The following OVCH1 variants were observed in gnomAD, a reference collection of about 807,000 sequenced individuals.
OVCH1 encodes ovochymase 1, also known as ovochymase-1.
A neutral mutation model predicts 138.4 loss-of-function variants in OVCH1; 139 were observed. The observed-to-expected ratio is 1.00, with a 90% CI of 0.87 to 1.16. The LOEUF is 1.16. Among genes scored for constraint, OVCH1 ranks in the 50% most tolerant of loss-of-function variants. The pLI is 0.00. For missense variants in OVCH1, 1,367 were observed against 1,357.9 expected (o/e 1.01, Z -0.11); for synonymous variants, 453 against 467.8 (o/e 0.97, Z 0.41).
chr12:29,486,762 A>C, intron 7 of OVCH1: 1 of 335,344 alleles, frequency 3.0e-6, no homozygotes, highest in African/African-American at 2.2e-5. Flanking sequence ...ATCACTTATC[A>C]TGTTCTGGTG....
Position 29,444,172 on chromosome 12 carries a change from G to A in OVCH1, c.2990C>T (p.Pro997Leu), listed in dbSNP as rs1011956601. Residue 997 changes from proline (P) to leucine (L), a missense_variant, in exon 24 of 28, where the codon CCA (proline) becomes CTA (leucine). Physicochemically the swap from Pro to Leu is moderately conservative, Grantham distance 98. Coordinates refer to ENST00000318184, the Ensembl canonical transcript of OVCH1. ...CATAGTAGTTCTGTGAGAATTTCTT[G>A]GGATCTGCATGATCCCTTCTGGCTT... 5.6e-6 allele frequency: 9 copies of A among 1,608,200 alleles called. No homozygotes were observed. The highest frequency in any genetic ancestry group is 1.1e-5 in the South Asian group (1 of 90,208).
intron 18 of OVCH1, among the ~76,000 whole-genome samples, chr12:29,463,674 G>T (rs1373182241): frequency 1.3e-5 from 2 of 152,078 alleles, no homozygotes; most frequent in Non-Finnish European, 2.9e-5. Context: ...AAATCTTTGG[G>T]TTACAACCTC....
chr12:29,454,778 A>G, intron 21 of OVCH1, 63 bp downstream of exon 21: 1 of 1,418,396 alleles, frequency 7.1e-7, no homozygotes, highest in South Asian at 1.2e-5. Context: ...AAAGCTAGAC[A>G]GACAATGCTT....
intron 3 of OVCH1, among the ~76,000 whole-genome samples, chr12:29,414,120 G>A (rs958489145): frequency 6.7e-6 from 1 of 150,050 alleles, no homozygotes; most frequent in African/African-American, 2.5e-5. Context: ...CCACCTTCCA[G>A]GTTCAAGTGA....
chr12:29,487,077 G>A, intron 7 of OVCH1: 1 of 341,884 alleles, frequency 2.9e-6, no homozygotes, highest in Non-Finnish European at 5.9e-6. Flanking sequence ...CCATGAGAAA[G>A]CGATGGAGGA....
At chr12:29,488,041 G>T (rs889934848) in intron 6 of OVCH1, among the ~76,000 whole-genome samples, 159 bp from the exon 7 acceptor site, 5 of 152,098 alleles carry the variant, frequency 3.3e-5, no homozygotes, top group Non-Finnish European at 7.4e-5. Flanking sequence ...CCATTTTCTT[G>T]TGTCCTTATC....
At chr12:29,472,477 C>G (rs1205939768) in intron 15 of OVCH1, among the ~76,000 whole-genome samples, 1 of 152,150 alleles carries the variant, frequency 6.6e-6, no homozygotes, top group Non-Finnish European at 1.5e-5. Flanking sequence ...GTTCTCTTAT[C>G]AGGAATTGAT....
At chr12:29,430,129 G>C (rs548632240) in intron 27 of OVCH1, among the ~76,000 whole-genome samples, 5 of 152,330 alleles carry the variant, frequency 3.3e-5, no homozygotes, top group South Asian at 4.1e-4. Context: ...CTAGAGGTGT[G>C]TGAATTGACA....
intron 19 of OVCH1, among the ~76,000 whole-genome samples, chr12:29,460,861 CA>C (rs1314434745): frequency 6.6e-6 from 1 of 152,014 alleles, no homozygotes; most frequent in Non-Finnish European, 1.5e-5. Flanking sequence ...CTGGGGAATG[CA>C]AATAAAGATA....
In OVCH1 at chr12:29,478,821, T is replaced by C. The variant is rs1259361116; in HGVS notation, c.1069+14A>G. ...CTCTAAAATGACAAATAAAAACAAATGTAACATACTTACTAAAAAGCACTC... is the reference window on the plus strand; with the variant it reads ...CTCTAAAATGACAAATAAAAACAAACGTAACATACTTACTAAAAAGCACTC... On this transcript the variant is annotated intron_variant, in intron 9 of 27. Transcript: ENST00000318184. 1.3e-6 allele frequency: 2 copies of C among 1,530,110 alleles called. No homozygotes were observed. Among genetic ancestry groups the C allele is most frequent in the South Asian group, 2.5e-5 (2 of 78,482 alleles). The allele number at this position is 1,530,110 out of a possible 1,614,324, so 94.8% of individuals were successfully genotyped here. A position where few individuals can be genotyped will look rare whatever the true frequency, so the allele number is the denominator to read the frequency against.
chr12:29,435,744 G>A (rs1261620875), intron 26 of OVCH1, among the ~76,000 whole-genome samples: 1 of 152,104 alleles, frequency 6.6e-6, no homozygotes, highest in Non-Finnish European at 1.5e-5. Flanking sequence ...AGAAGATGAT[G>A]TAATCTCATC....
chr12:29,445,293 C>T, exon 23 of OVCH1: 1 of 1,611,100 alleles, frequency 6.2e-7, no homozygotes, highest in Admixed American at 1.7e-5. Context: ...ACTTTCAAGA[C>T]AATATAGCTT....
At chr12:29,465,324 C>T (rs1175715634) in intron 16 of OVCH1, 105 bp from the exon 17 acceptor site, 3 of 931,876 alleles carry the variant, frequency 3.2e-6, no homozygotes, top group Non-Finnish European at 4.7e-6. Context: ...TTTCTGAAGA[C>T]GTTCTGAGGA....
exon 12 of OVCH1, chr12:29,477,189 T>C (rs750947613): frequency 3.7e-6 from 6 of 1,613,836 alleles, no homozygotes; most frequent in South Asian, 1.1e-5. Context: ...CAGAGTGATT[T>C]GTCCCTTCTT....
chr12:29,439,409 C>A, exon 26 of OVCH1: 1 of 1,543,326 alleles, frequency 6.5e-7, no homozygotes, highest in Non-Finnish European at 8.7e-7. Context: ...TTGTCAGTAT[C>A]ATTGCCAGAG....
At chr12:29,403,328 A>C in the OVCH1 span, among the ~76,000 whole-genome samples, 1 of 152,186 alleles carries the variant, frequency 6.6e-6, no homozygotes, top group South Asian at 2.1e-4. Flanking sequence ...AGTTGTTTGA[A>C]TATATATATG....
rs1293675000 is a variant in OVCH1 at position 29,470,994 on chromosome 12, T to TA, written c.1856+807_1856+808insT. ...GTGATATTGAGCTTTTTTTCATATA[T>TA]TTGTTGGCCACATAAATGTCTTTTT... On this transcript the variant is annotated intron_variant, in intron 16 of 27. Coordinates refer to ENST00000318184, the Ensembl canonical transcript of OVCH1. Among the ~76,000 whole-genome samples the TA allele has an allele frequency of 9.8e-5, 15 of 152,320 alleles. 1 individual carries two copies. The highest frequency in any genetic ancestry group is 3.4e-4 in the African/African-American group (14 of 41,576).
chr12:29,464,296 T>G (rs1942239690), intron 18 of OVCH1: 1 of 609,818 alleles, frequency 1.6e-6, no homozygotes, highest in Non-Finnish European at 2.9e-6. Context: ...ACTGCTCATC[T>G]AGCCTACTTA....
chr12:29,476,580 A>G (rs1036834926), intron 12 of OVCH1, among the ~76,000 whole-genome samples: 2 of 152,182 alleles, frequency 1.3e-5, no homozygotes, highest in African/African-American at 4.8e-5. Context: ...TGGCATGACC[A>G]AAGACTGGAA....
Sources: allele counts gnomAD v4.1 joint callset (sites outside exome capture counted in the v4.1 genomes callset), GRCh38; gene constraint gnomAD v4.1.1; transcripts MANE v1.5; gene names NCBI Gene and HGNC (gene_info 2026-07-23, HGNC 2026-07-21).